The following PTPN6 variants were observed in gnomAD, a reference collection of about 807,000 sequenced individuals.
PTPN6 encodes the protein tyrosine-protein phosphatase non-receptor type 6.
Under a neutral mutation model 81.5 loss-of-function variants are expected in PTPN6, and 18 were observed. That is an observed-to-expected ratio of 0.22 (90% CI 0.15 to 0.33). PTPN6 has a LOEUF of 0.33. Ranked by LOEUF, PTPN6 falls within the 10% of genes least tolerant of loss-of-function variation. The pLI is 1.00. For missense variants in PTPN6, 500 were observed against 794.2 expected (o/e 0.63, Z 4.45); for synonymous variants, 301 against 310.9 (o/e 0.97, Z 0.33).
In PTPN6 at chr12:6,955,153, T is replaced by G. The variant is rs782177441; in HGVS notation, c.519T>G (p.Gly173=). 25 of 1,614,112 alleles carry G rather than the reference T, an allele frequency of 1.5e-5. No homozygotes were observed. Among genetic ancestry groups the G allele is most frequent in the Non-Finnish European group, 1.9e-5 (23 of 1,179,994 alleles). The stretch of plus-strand genomic sequence containing the variant: ...TGGCCTAATTTGGCTCCCCCCAGGG[T>G]GGACGCTACACAGTGGGTGGTTTGG... ...RVTHIKVMCE[G]GRYTVGGLET... Residue 173 remains glycine (G), a splice_region_variant and synonymous_variant, in exon 5 of 16, where the codon GGT becomes GGG. Coordinates refer to ENST00000318974, the MANE Select transcript of PTPN6 (RefSeq NM_002831.6). The surrounding 1 kb of genome is among the most constrained non-coding windows in gnomAD (Gnocchi z 7.2).
At position 6,958,014 on chromosome 12, in the gene PTPN6, C is replaced by T; in HGVS notation, c.1302C>T (p.Asp434=). 1.9e-6 allele frequency: 3 copies of T among 1,613,508 alleles called. No homozygotes were observed. In the African/African-American group the frequency reaches 4.0e-5, roughly 21 times the overall value. ...CTGGGGGTGTCCTCAGCTTCCTGGACCAGATCAACCAGCGGCAGGAAAGTC... is the reference window on the plus strand; with the variant it reads ...CTGGGGGTGTCCTCAGCTTCCTGGATCAGATCAACCAGCGGCAGGAAAGTC... The part of the protein sequence containing the change: ...SEPGGVLSFL[D]QINQRQESLP... The change falls in exon 11 of 16, where the codon GAC becomes GAT. Residue 434 remains aspartate, a synonymous_variant. Transcript: ENST00000318974.
At chr12:6,958,661 G>A (rs1184892386) in intron 11 of PTPN6, among the ~76,000 whole-genome samples, 5 of 152,162 alleles carry the variant, frequency 3.3e-5, no homozygotes, top group African/African-American at 7.2e-5. Context: ...CTATCTACCC[G>A]CATGTTTGTG....
upstream of PTPN6, among the ~76,000 whole-genome samples, chr12:6,948,706 C>T (rs1346076152): frequency 3.3e-5 from 5 of 151,550 alleles, no homozygotes; most frequent in African/African-American, 7.3e-5. Context: ...TTTGGGAGGC[C>T]GAGGCAGGTG....
upstream of PTPN6, among the ~76,000 whole-genome samples, chr12:6,948,567 GAAAAA>G (rs1167606984): frequency 5.3e-5 from 8 of 149,966 alleles, no homozygotes; most frequent in African/African-American, 2.0e-4. Context: ...AGAAAGGAAA[GAAAAA>G]GAAAAAGTGA....
At chr12:6,949,779 T>G (rs1838555207), upstream of PTPN6, among the ~76,000 whole-genome samples, 1 of 151,620 alleles carries the variant, frequency 6.6e-6, no homozygotes, top group South Asian at 2.1e-4. Flanking sequence ...ACTGCCTATC[T>G]TCTTGTATCA....
Position 6,960,940 on chromosome 12 carries a change from GC to G in PTPN6, c.*22del. Reference sequence around the variant, plus strand: ...AAGTGAGCGGTGCTGTCCTCAGGTGGCCATGGTACAGCTCTTCTGCCTGGGT... The same window carrying G: ...AAGTGAGCGGTGCTGTCCTCAGGTGGCATGGTACAGCTCTTCTGCCTGGGT... On this transcript the variant is annotated 3_prime_UTR_variant, in exon 15 of 16. Coordinates refer to ENST00000318974, the MANE Select transcript of PTPN6 (RefSeq NM_002831.6). The surrounding 1 kb of genome is among the most constrained non-coding windows in gnomAD (Gnocchi z 6.1). The G allele has an allele frequency of 6.4e-7, 1 of 1,557,104 alleles. No homozygotes were observed. The highest frequency in any genetic ancestry group is 8.7e-7 in the Non-Finnish European group (1 of 1,150,306).
At position 6,960,265 on chromosome 12, in the gene PTPN6, G is replaced by GGC. The variant is rs782294190; in HGVS notation, c.1581+27_1581+28insCG. The GGC allele has an allele frequency of 9.8e-5, 157 of 1,607,044 alleles. 1 individual carries two copies. The African/African-American group carries it at 1.7e-3, about 18-fold the overall frequency. On this transcript the variant is annotated intron_variant, in intron 13 of 15. Transcript: ENST00000318974. This position sits in a 1 kb window ranked among gnomAD's most constrained non-coding sequence, Gnocchi z 6.1. ...GTGCGTGCAGAGCAGGGCCTGGGGG[G>GGC]GGGGGGGGCTGCAGTGCAGGATGGG... is the stretch of plus-strand genomic sequence containing the variant.
Position 6,951,508 on chromosome 12 carries a change from C to T in PTPN6, c.-5C>T. On this transcript the variant is annotated 5_prime_UTR_variant, in exon 1 of 16. Transcript: ENST00000318974. This position sits in a 1 kb window ranked among gnomAD's most constrained non-coding sequence, Gnocchi z 7.2. ...GCGCCCCCTTCCTCTCCGGAAGCCCCCAGGATGGTGAGGTAAGGGCCTGCC... is the reference window on the plus strand; with the variant it reads ...GCGCCCCCTTCCTCTCCGGAAGCCCTCAGGATGGTGAGGTAAGGGCCTGCC... 1 of 1,613,934 alleles carries T rather than the reference C, an allele frequency of 6.2e-7. No individual in the cohort carries two copies. The highest frequency in any genetic ancestry group is 8.5e-7 in the Non-Finnish European group (1 of 1,179,916).
Position 6,957,585 on chromosome 12 carries a change from G to C in PTPN6, c.1075-69G>C. On this transcript the variant is annotated intron_variant, in intron 9 of 15. Coordinates refer to ENST00000318974, the MANE Select transcript of PTPN6 (RefSeq NM_002831.6). The surrounding 1 kb of genome is among the most constrained non-coding windows in gnomAD (Gnocchi z 6.5). ...GCCGGTGCCAGGCACTCAGAACATA[G>C]AGCAGGACCTGGGATGGGCCACAGT... 1 of 1,574,666 alleles carries C rather than the reference G, an allele frequency of 6.4e-7. No homozygotes were observed. Among genetic ancestry groups the C allele is most frequent in the Middle Eastern group, 2.0e-4 (1 of 5,102 alleles).
At chr12:6,946,902 G>GA (rs145442518), upstream of PTPN6, among the ~76,000 whole-genome samples, 6,490 of 152,184 alleles carry the variant, frequency 0.043, 421 homozygotes, top group African/African-American at 0.14. Flanking sequence ...AAGGTGTGAG[G>GA]ACCCCCGGCT....
Position 6,957,890 on chromosome 12 carries a change from G to A in PTPN6, c.1207-29G>A. On this transcript the variant is annotated intron_variant, in intron 10 of 15. Transcript: ENST00000318974. This position sits in a 1 kb window ranked among gnomAD's most constrained non-coding sequence, Gnocchi z 6.5. ...TGGATGAGGTGTTCCGAGAGAGGAGGGGGCACTGACCCTATGTCCTCGGCT... is the reference window on the plus strand; with the variant it reads ...TGGATGAGGTGTTCCGAGAGAGGAGAGGGCACTGACCCTATGTCCTCGGCT... The A allele has an allele frequency of 5.6e-6, 9 of 1,613,978 alleles. No individual in the cohort carries two copies. Among genetic ancestry groups the A allele is most frequent in the Non-Finnish European group, 7.6e-6 (9 of 1,179,998 alleles).
Position 6,960,078 on chromosome 12 carries a change from C to G in PTPN6, c.1430-10C>G. ...TGCCTGGACCTGAGGTTTGACTGCC[C>G]CCCACCCAGGCCTGGACTGTGACAT... On this transcript the variant is annotated splice_polypyrimidine_tract_variant and intron_variant, in intron 12 of 15. Coordinates refer to ENST00000318974, the MANE Select transcript of PTPN6 (RefSeq NM_002831.6). This position sits in a 1 kb window ranked among gnomAD's most constrained non-coding sequence, Gnocchi z 6.1. The G allele has an allele frequency of 6.2e-7, 1 of 1,613,564 alleles. No homozygotes were observed. The highest frequency in any genetic ancestry group is 2.2e-5 in the East Asian group (1 of 44,886).
At position 6,959,591 on chromosome 12, in the gene PTPN6, GC is replaced by G; in HGVS notation, c.1362-334del. 1 of 503,364 alleles carries G rather than the reference GC, an allele frequency of 2.0e-6. No homozygotes were observed. 31.2% of individuals were successfully genotyped at this position (503,364 alleles called of 1,614,324 possible). A position where few individuals can be genotyped will look rare whatever the true frequency, so the allele number is the denominator to read the frequency against. ...CGGGGAGGGCTCAGGGTACCTGGGAGCCGGCAGGACAGTGGTGGGATTTGGG... is the reference window on the plus strand; with the variant it reads ...CGGGGAGGGCTCAGGGTACCTGGGAGCGGCAGGACAGTGGTGGGATTTGGG... On this transcript the variant is annotated intron_variant, in intron 11 of 15. Transcript: ENST00000318974. This position sits in a 1 kb window ranked among gnomAD's most constrained non-coding sequence, Gnocchi z 6.6.
chr12:6,947,647 C>T (rs1229275047), upstream of PTPN6, among the ~76,000 whole-genome samples: 10 of 139,982 alleles, frequency 7.1e-5, no homozygotes, highest in Non-Finnish European at 1.2e-4. Flanking sequence ...CCAGCCTGGG[C>T]GACAGAGTGA....
chr12:6,955,540 G>A lies in PTPN6; in HGVS notation c.747+55G>A, dbSNP rs782686894. ...CAGCTGAGGTGGTGGCAGCGGCCTG[G>A]GGCCCCAGGCGGACACCTTCCCCTC... On this transcript the variant is annotated intron_variant, in intron 6 of 15. Transcript: ENST00000318974. This position sits in a 1 kb window ranked among gnomAD's most constrained non-coding sequence, Gnocchi z 7.2. 6.7e-5 allele frequency: 106 copies of A among 1,593,130 alleles called. No homozygotes were observed. The South Asian group carries it at 1.1e-3, about 17-fold the overall frequency.
intron 11 of PTPN6, among the ~76,000 whole-genome samples, chr12:6,958,795 G>A (rs782694604): frequency 6.6e-5 from 10 of 152,280 alleles, no homozygotes; most frequent in South Asian, 4.1e-4. Context: ...GGGCCCCTCC[G>A]CTTACCAGCT....
At position 6,960,620 on chromosome 12, in the gene PTPN6, C is replaced by T. The variant is rs781872594; in HGVS notation, c.1673+185C>T. ...CACACGTGTGGGCCTCTGCTAGGTACCAGCAGCGCACTCGTGTATGAGATG... is the reference window on the plus strand; with the variant it reads ...CACACGTGTGGGCCTCTGCTAGGTATCAGCAGCGCACTCGTGTATGAGATG... On this transcript the variant is annotated intron_variant, in intron 14 of 15. Transcript: ENST00000318974. The surrounding 1 kb of genome is among the most constrained non-coding windows in gnomAD (Gnocchi z 6.1). 111 of 1,511,614 alleles carry T rather than the reference C, an allele frequency of 7.3e-5. No homozygotes were observed. The highest frequency in any genetic ancestry group is 9.7e-5 in the Non-Finnish European group (108 of 1,111,838). 93.6% of individuals were successfully genotyped at this position (1,511,614 alleles called of 1,614,324 possible). A position where few individuals can be genotyped will look rare whatever the true frequency, so the allele number is the denominator to read the frequency against.
upstream of PTPN6, chr12:6,946,856 G>C: frequency 8.4e-7 from 1 of 1,186,910 alleles, no homozygotes; most frequent in African/African-American, 1.5e-5. Flanking sequence ...GCTGCCCTGC[G>C]CCTGTTTCCG....
chr12:6,947,668 C>CA (rs112544780), upstream of PTPN6, among the ~76,000 whole-genome samples: 9,976 of 64,294 alleles, frequency 0.16, 705 homozygotes, highest in East Asian at 0.52. Flanking sequence ...GACCTTGTCT[C>CA]AAAAAAAAAA....
Sources: gnomAD v4.1 joint callset for allele counts (sites outside exome capture counted in the v4.1 genomes callset) on GRCh38, gnomAD v4.1.1 for gene constraint, Gnocchi (gnomAD v3.1) non-coding constraint, MANE v1.5 for transcripts, NCBI Gene and HGNC (gene_info 2026-07-23, HGNC 2026-07-21) for gene names.